BBOF1: variants seen among roughly 807,000 people sequenced by gnomAD.
The protein encoded by BBOF1 is basal body orientation factor 1.
A neutral mutation model predicts 68.0 loss-of-function variants in BBOF1; 62 were observed. That is an observed-to-expected ratio of 0.91 (90% CI 0.74 to 1.13). The LOEUF (loss-of-function observed/expected upper bound fraction) is 1.13. BBOF1 is among the 50% of genes most tolerant of loss of function. The pLI is 0.00. For missense variants in BBOF1, 534 were observed against 600.1 expected, an observed-to-expected ratio of 0.89 and a Z score of 1.15; for synonymous variants, 208 against 198.8, an observed-to-expected ratio of 1.05 and a Z score of -0.39.
intron 2 of BBOF1, among the ~76,000 whole-genome samples, chr14:74,025,607 A>G (rs2059405765): frequency 1.3e-5 from 2 of 152,190 alleles, no homozygotes; most frequent in African/African-American, 4.8e-5. Context: ...GAATAATCTC[A>G]TTAAATGTCA....
At chr14:74,068,979 C>T (rs201987498), downstream of BBOF1, 66 of 1,613,062 alleles carry the variant, frequency 4.1e-5, no homozygotes, top group African/African-American at 7.9e-4. Context: ...ATAAAATTTA[C>T]AGCTTTAAGA....
At chr14:74,020,419 A>C (rs1321418291) in intron 1 of BBOF1, among the ~76,000 whole-genome samples, 8 of 152,146 alleles carry the variant, frequency 5.3e-5, no homozygotes, top group Admixed American at 1.3e-4. Flanking sequence ...TGGATTTTCC[A>C]TGACCCATTG....
At chr14:74,022,806 A>C in intron 1 of BBOF1, 110 bp from the exon 2 acceptor site, 1 of 456,946 alleles carries the variant, frequency 2.2e-6, no homozygotes, top group Non-Finnish European at 3.8e-6. Flanking sequence ...GCCAAGCAAA[A>C]CAAATAAAAA....
intron 1 of BBOF1, among the ~76,000 whole-genome samples, chr14:74,022,621 A>C (rs942912610): frequency 6.6e-6 from 1 of 152,170 alleles, no homozygotes; most frequent in Non-Finnish European, 1.5e-5. Flanking sequence ...TTGTTTTACC[A>C]GTCTTTTCGA....
At chr14:74,063,829 G>A (rs1314890392) in intron 11 of BBOF1, among the ~76,000 whole-genome samples, 1 of 148,266 alleles carries the variant, frequency 6.7e-6, no homozygotes. Flanking sequence ...TTGTGCCACC[G>A]CACCCCAGCC....
At chr14:74,023,348 G>T (rs928790149) in intron 2 of BBOF1, among the ~76,000 whole-genome samples, 1 of 152,118 alleles carries the variant, frequency 6.6e-6, no homozygotes, top group East Asian at 1.9e-4. Flanking sequence ...AATCCTTGTT[G>T]CATGTTTTCT....
intron 3 of BBOF1, among the ~76,000 whole-genome samples, chr14:74,032,118 A>ATTTTT (rs780515040): frequency 1.4e-3 from 137 of 99,646 alleles, no homozygotes; most frequent in Non-Finnish European, 1.6e-3. Context: ...CTCAAAGTTG[A>ATTTTT]TTTTTTTTTT....
chr14:74,046,274 T>C (rs2059946803), intron 6 of BBOF1, 144 bp downstream of exon 6: 1 of 616,356 alleles, frequency 1.6e-6, no homozygotes, highest in East Asian at 3.0e-5. Flanking sequence ...TCCCTGTTTC[T>C]TTCTCTTTGT....
intron 4 of BBOF1, among the ~76,000 whole-genome samples, chr14:74,039,047 C>A (rs2059774061): frequency 6.6e-6 from 1 of 152,132 alleles, no homozygotes. Flanking sequence ...ATACTCATCA[C>A]AGCAAATTTA....
In BBOF1 at chr14:74,027,385, C is replaced by CTTTTT. The variant is rs35107293; in HGVS notation, c.286-1777_286-1773dup. Among the ~76,000 whole-genome samples, 71 of 61,096 alleles carry CTTTTT rather than the reference C, an allele frequency of 1.2e-3. 7 individuals are homozygous for CTTTTT. The highest frequency in any genetic ancestry group is 1.7e-3 in the African/African-American group (24 of 13,958). 40.1% of individuals were successfully genotyped at this position (61,096 alleles called of 152,430 possible). A position where few individuals can be genotyped will look rare whatever the true frequency, so the allele number is the denominator to read the frequency against. The stretch of plus-strand genomic sequence containing the variant: ...TACAGCCATGAGCCACCTCGCCCAG[C>CTTTTT]TTTTTTTTTTTTTTTTTTTTTTTTT... On this transcript the variant is annotated intron_variant, in intron 2 of 11. Transcript: ENST00000394009.
chr14:74,060,715 A>G (rs1395976929), intron 11 of BBOF1: 2 of 1,613,622 alleles, frequency 1.2e-6, no homozygotes, highest in Non-Finnish European at 8.5e-7. Context: ...CTGAGAAGTA[A>G]TGGTCTTTAA....
Position 74,055,660 on chromosome 14 carries a change from G to A in BBOF1, c.1363G>A (p.Ala455Thr). The A allele has an allele frequency of 6.2e-7, 1 of 1,613,494 alleles. No individual in the cohort carries two copies. Among genetic ancestry groups the A allele is most frequent in the Non-Finnish European group, 8.5e-7 (1 of 1,179,630 alleles). The change falls in exon 9 of 12, where the codon GCA becomes ACA. Residue 455 changes from alanine (A) to threonine (T), a missense_variant. Physicochemically the swap from Ala to Thr is moderately conservative, Grantham distance 58 (BLOSUM62 0). Coordinates refer to ENST00000394009, the MANE Select transcript of BBOF1 (RefSeq NM_025057.3). ...GGAAAAAGTATTGCGATTGCTCTTT[G>A]CAAAAATGAATGGCTGTCCTTCTAG... is the stretch of plus-strand genomic sequence containing the variant. ...QKEKVLRLLF[A>T]KMNGCPSRKY...
intron 11 of BBOF1, chr14:74,057,590 G>A: frequency 7.5e-7 from 1 of 1,328,610 alleles, no homozygotes; most frequent in Non-Finnish European, 9.8e-7. Context: ...ATCACAGGTG[G>A]GAAGTCAGAG....
chr14:74,072,288 C>T (rs371168008), intron 9 of BBOF1: 25 of 1,614,212 alleles, frequency 1.5e-5, no homozygotes, highest in South Asian at 6.6e-5. Flanking sequence ...AGGAAAAGCA[C>T]GTTTGCAGGA....
chr14:74,054,768 TC>T, intron 8 of BBOF1: 1 of 157,984 alleles, frequency 6.3e-6, no homozygotes, highest in South Asian at 1.4e-4. Flanking sequence ...ACCTCCCATC[TC>T]CCAGGTTCAA....
intron 5 of BBOF1, among the ~76,000 whole-genome samples, chr14:74,042,867 CACACACACACAG>C (rs1236662270): frequency 5.9e-5 from 7 of 117,774 alleles, no homozygotes; most frequent in African/African-American, 2.3e-4. Flanking sequence ...CTCTTATACA[CACACACACACAG>C]ACACACACAC....
chr14:74,078,337 T>G (rs949112163), exon 10 of BBOF1: 2 of 438,518 alleles, frequency 4.6e-6, no homozygotes, highest in Non-Finnish European at 4.5e-6. Context: ...TCAATATATG[T>G]GGACTGGATG....
Position 74,034,144 on chromosome 14 carries a change from A to G in BBOF1, c.468A>G (p.Lys156=). 6.3e-7 allele frequency: 1 copy of G among 1,583,050 alleles called. No homozygotes were observed. Among genetic ancestry groups the G allele is most frequent in the Non-Finnish European group, 8.6e-7 (1 of 1,166,954 alleles). The part of the protein sequence containing the change: ...LKAVRQFQKR[K]IQVERELDDL... ...CAGTAAGACAATTCCAGAAGAGAAA[A>G]ATCCAAGTGGAGAGAGAGTTAGATG... Residue 156 remains lysine, a synonymous_variant, in exon 4 of 12, where the codon AAA becomes AAG. Coordinates refer to ENST00000394009, the MANE Select transcript of BBOF1 (RefSeq NM_025057.3).
chr14:74,033,936 G>A, intron 3 of BBOF1, 92 bp from the exon 4 acceptor site: 1 of 778,962 alleles, frequency 1.3e-6, no homozygotes, highest in South Asian at 3.2e-5. Context: ...CTTCAAAGAA[G>A]ATATGCAAAT....
Sources: allele counts gnomAD v4.1 joint callset (sites outside exome capture counted in the v4.1 genomes callset), GRCh38; gene constraint gnomAD v4.1.1; transcripts MANE v1.5; gene names NCBI Gene and HGNC (gene_info 2026-07-23, HGNC 2026-07-21).